The following GSE1 variants were observed in gnomAD, a reference collection of about 807,000 sequenced individuals.
GSE1 encodes the protein genetic suppressor element 1.
In GSE1, 32 loss-of-function variants were observed where a neutral mutation model predicts 112.6. That is an observed-to-expected ratio of 0.28 (90% CI 0.21 to 0.38). The LOEUF (loss-of-function observed/expected upper bound fraction) is 0.38, where lower values mean the gene tolerates loss of function less well. GSE1 is among the 10% of genes least tolerant of loss of function. The probability of loss-of-function intolerance (pLI) is 1.00; values close to 1 mark genes in which losing one functional copy is unlikely to be tolerated. For missense variants in GSE1, 2,348 were observed against 1,699.2 expected (o/e 1.38, Z -6.71); for synonymous variants, 1,115 against 735.6 (o/e 1.52, Z -8.35).
chr16:85,413,537 G>C (rs2048633114), intron 2 of GSE1, among the ~76,000 whole-genome samples: 1 of 152,114 alleles, frequency 6.6e-6, no homozygotes, highest in Non-Finnish European at 1.5e-5. Context: ...GTGGTCTCCA[G>C]ACTTCCTTCA....
In GSE1 at chr16:85,419,523, C is replaced by T. The variant is rs4415997; in HGVS notation, c.2464+61880C>T. Among the ~76,000 whole-genome samples the T allele has an allele frequency of 0.49, 73,498 of 151,172 alleles. 18,824 individuals carry two copies. Among genetic ancestry groups the T allele is most frequent in the Admixed American group, 0.63 (9,604 of 15,216 alleles). On this transcript the variant is annotated intron_variant, in intron 2 of 2. Coordinates refer to the GSE1 transcript ENST00000637419. This position sits in a 1 kb window ranked among gnomAD's most constrained non-coding sequence, Gnocchi z 6.5. Reference sequence around the variant, plus strand: ...CGGGAGGCTGAGGTGGGAGGATCGCCTGACCCTGGGAAATCGAGGCTGCAG... The same window carrying T: ...CGGGAGGCTGAGGTGGGAGGATCGCTTGACCCTGGGAAATCGAGGCTGCAG...
intron 2 of GSE1, among the ~76,000 whole-genome samples, chr16:85,393,273 A>G (rs1597585857): frequency 6.6e-6 from 1 of 152,156 alleles, no homozygotes; most frequent in African/African-American, 2.4e-5. Context: ...TGTCTCAAGA[A>G]AAGGGAGGCG....
intron 14 of GSE1, among the ~76,000 whole-genome samples, chr16:85,669,794 ACTGT>A (rs2053179476): frequency 6.6e-6 from 1 of 152,136 alleles, no homozygotes; most frequent in African/African-American, 2.4e-5. Flanking sequence ...AGAAATCTTA[ACTGT>A]ACCTTTCCCA....
intron 1 of GSE1, among the ~76,000 whole-genome samples, chr16:85,618,405 T>C (rs1598403358): frequency 2.0e-5 from 3 of 152,284 alleles, no homozygotes; most frequent in African/African-American, 7.2e-5. Flanking sequence ...TGAGAAGGCC[T>C]GGAGCGTGGG....
At chr16:85,613,253 G>A, upstream of GSE1, 1 of 1,524,050 alleles carries the variant, frequency 6.6e-7, no homozygotes, top group Non-Finnish European at 8.8e-7. Context: ...TCTTGGCCGG[G>A]GCCCCGGAAG....
chr16:85,518,878 C>T (rs1474013044), intron 2 of GSE1, among the ~76,000 whole-genome samples: 2 of 152,170 alleles, frequency 1.3e-5, no homozygotes, highest in African/African-American at 2.4e-5. Context: ...CTCAGGCTCA[C>T]ACCTGGGCCC....
chr16:85,187,406 T>C (rs2074727244), intron 1 of GSE1, among the ~76,000 whole-genome samples: 1 of 152,366 alleles, frequency 6.6e-6, no homozygotes, highest in African/African-American at 2.4e-5. Flanking sequence ...CCCCGCTTCC[T>C]GGACTGAGAG....
At chr16:85,588,826 G>A (rs909247118) in intron 1 of GSE1, among the ~76,000 whole-genome samples, 2 of 152,120 alleles carry the variant, frequency 1.3e-5, no homozygotes, top group East Asian at 3.9e-4. Flanking sequence ...ATAAGCACCC[G>A]AGGCCTGCTG....
chr16:85,604,711 C>T (rs1362870654), intron 1 of GSE1, among the ~76,000 whole-genome samples: 1 of 65,310 alleles, frequency 1.5e-5, no homozygotes, highest in Non-Finnish European at 2.7e-5. Context: ...CACTACCGCG[C>T]TCCAGCCTGG....
chr16:85,435,822 C>T (rs1039861348), intron 2 of GSE1, among the ~76,000 whole-genome samples: 2 of 152,126 alleles, frequency 1.3e-5, no homozygotes, highest in East Asian at 1.9e-4. Context: ...GACCAGGGGC[C>T]GTGCACCCAG....
intron 1 of GSE1, 83 bp downstream of exon 1, chr16:85,613,481 C>T: frequency 7.9e-7 from 1 of 1,267,482 alleles, no homozygotes; most frequent in Non-Finnish European, 1.1e-6. Context: ...GCGGGTTTCG[C>T]GGGGGCGGCC....
At chr16:85,245,163 A>AGAAAC (rs1905501876) in intron 1 of GSE1, among the ~76,000 whole-genome samples, 1 of 141,910 alleles carries the variant, frequency 7.0e-6, no homozygotes, top group South Asian at 2.6e-4. Context: ...CCCTGTCTCA[A>AGAAAC]GAAACAAAAC....
intron 2 of GSE1, among the ~76,000 whole-genome samples, chr16:85,375,619 G>A (rs910198551): frequency 6.6e-6 from 1 of 152,128 alleles, no homozygotes; most frequent in African/African-American, 2.4e-5. Context: ...GGAAGCTGGG[G>A]TGGAGACTGG....
At chr16:85,572,429 C>G (rs2046039836) in intron 1 of GSE1, among the ~76,000 whole-genome samples, 1 of 147,654 alleles carries the variant, frequency 6.8e-6, no homozygotes, top group South Asian at 2.2e-4. Context: ...CACACACACA[C>G]AGCACATACA....
intron 2 of GSE1, among the ~76,000 whole-genome samples, chr16:85,420,859 G>T (rs374646695): frequency 6.6e-6 from 1 of 152,156 alleles, no homozygotes; most frequent in African/African-American, 2.4e-5. Flanking sequence ...AGTGCCGCGG[G>T]CCTCCACACG....
chr16:85,332,039 C>T (rs1225081355), intron 1 of GSE1, among the ~76,000 whole-genome samples: 1 of 151,856 alleles, frequency 6.6e-6, no homozygotes, highest in Non-Finnish European at 1.5e-5. Context: ...GGCTCTGGGG[C>T]CCTTTGGCAA....
intron 2 of GSE1, among the ~76,000 whole-genome samples, chr16:85,646,055 C>T (rs999606409): frequency 1.4e-5 from 2 of 146,154 alleles, no homozygotes; most frequent in South Asian, 2.1e-4. Flanking sequence ...GCTTCTACCA[C>T]GCTTCCTATG....
chr16:85,367,503 G>T (rs1448859799), intron 2 of GSE1, among the ~76,000 whole-genome samples: 1 of 152,242 alleles, frequency 6.6e-6, no homozygotes, highest in Non-Finnish European at 1.5e-5. Flanking sequence ...GTGATGCCGG[G>T]TGGTGAGAGG....
In GSE1 at chr16:85,315,670, G is replaced by A. The variant is rs140409202; in HGVS notation, c.2284-41793G>A. On this transcript the variant is annotated intron_variant, in intron 1 of 2. Coordinates refer to the GSE1 transcript ENST00000637419. ...GTAAGGCAAGAGAGGAGTACGCACC[G>A]GTTCCATTTGCATTTCAGATAAACA... 7.4e-4 allele frequency among the ~76,000 whole-genome samples: 113 copies of A among 152,278 alleles called. 2 individuals carry two copies. In the East Asian group the frequency reaches 0.018, roughly 25 times the overall value.
Sources: allele counts gnomAD v4.1 joint callset (sites outside exome capture counted in the v4.1 genomes callset), GRCh38; gene constraint gnomAD v4.1.1; non-coding constraint Gnocchi (gnomAD v3.1); transcripts MANE v1.5; gene names NCBI Gene and HGNC (gene_info 2026-07-23, HGNC 2026-07-21).